The following MCC variants were observed in gnomAD, a reference collection of about 807,000 sequenced individuals.
MCC encodes the protein MCC regulator of Wnt signaling pathway.
Under a neutral mutation model 116.2 loss-of-function variants are expected in MCC, and 90 were observed. The observed-to-expected ratio is 0.77, with a 90% CI of 0.65 to 0.92. MCC has a LOEUF of 0.92. Among genes scored for constraint, MCC ranks in the 40% least tolerant of loss-of-function variants. MCC has a pLI of 0.00. For missense variants in MCC, 1,516 were observed against 1,312.2 expected (o/e 1.16, Z -2.40); for synonymous variants, 578 against 510.5 (o/e 1.13, Z -1.78).
chr5:113,148,222 T>G (rs537528062), intron 4 of MCC, among the ~76,000 whole-genome samples: 1 of 152,364 alleles, frequency 6.6e-6, no homozygotes, highest in Non-Finnish European at 1.5e-5. Flanking sequence ...CGTATTCAAT[T>G]TGGGAAGATA....
At chr5:113,298,846 G>A (rs547029322) in intron 3 of MCC, among the ~76,000 whole-genome samples, 1 of 152,312 alleles carries the variant, frequency 6.6e-6, no homozygotes, top group African/African-American at 2.4e-5. Context: ...GGGAAACGAA[G>A]ACTAATGATA....
intron 5 of MCC, among the ~76,000 whole-genome samples, chr5:113,138,239 G>A (rs774118874): frequency 1.3e-5 from 2 of 152,114 alleles, no homozygotes; most frequent in East Asian, 3.9e-4. Context: ...TCAAACTCCT[G>A]TCCTCAAGTG....
At chr5:113,081,912 C>A (rs181377209) in intron 11 of MCC, among the ~76,000 whole-genome samples, 3 of 152,182 alleles carry the variant, frequency 2.0e-5, no homozygotes, top group African/African-American at 7.2e-5. Context: ...GGAACGGTAT[C>A]CCTATTTCTT....
intron 2 of MCC, among the ~76,000 whole-genome samples, chr5:113,353,379 A>T (rs993977145): frequency 1.3e-5 from 2 of 152,154 alleles, no homozygotes; most frequent in Non-Finnish European, 2.9e-5. Flanking sequence ...CAGTCATGAG[A>T]AGGTAATGAG....
chr5:113,287,294 T>C (rs1200150119), intron 3 of MCC, among the ~76,000 whole-genome samples: 1 of 152,216 alleles, frequency 6.6e-6, no homozygotes, highest in African/African-American at 2.4e-5. Flanking sequence ...TGTAATTTGA[T>C]TCCCTGGATC....
chr5:113,384,186 C>G (rs1769191617), intron 2 of MCC, among the ~76,000 whole-genome samples: 1 of 152,166 alleles, frequency 6.6e-6, no homozygotes, highest in Non-Finnish European at 1.5e-5. Context: ...TAATTATCAA[C>G]AGTATTAAGA....
intron 3 of MCC, among the ~76,000 whole-genome samples, chr5:113,160,602 T>C (rs1353876999): frequency 6.6e-6 from 1 of 152,164 alleles, no homozygotes; most frequent in African/African-American, 2.4e-5. Context: ...AACTACCAAG[T>C]CCCCTGCTTT....
intron 3 of MCC, among the ~76,000 whole-genome samples, chr5:113,189,156 G>A (rs914325532): frequency 5.9e-5 from 9 of 152,238 alleles, no homozygotes; most frequent in Admixed American, 5.2e-4. Flanking sequence ...AATCCAATGG[G>A]TGCACTGAGC....
chr5:113,024,972 G>A lies in MCC; in HGVS notation c.*2330C>T, dbSNP rs967982099. ...CTAAAACTAAGGTCAGGTAGCATGAGTAAAACTGGGGCCCTTAACAGGAGC... is the reference window on the plus strand; with the variant it reads ...CTAAAACTAAGGTCAGGTAGCATGAATAAAACTGGGGCCCTTAACAGGAGC... On this transcript the variant is annotated 3_prime_UTR_variant, in exon 19 of 19. Coordinates refer to ENST00000408903, the MANE Select transcript of MCC (RefSeq NM_001085377.2). 2 of 152,102 alleles carry A rather than the reference G, an allele frequency of 1.3e-5. No homozygotes were observed. Among genetic ancestry groups the A allele is most frequent in the African/African-American group, 2.4e-5 (1 of 41,416 alleles). The allele number at this position is 152,102 out of a possible 1,614,324, so 9.4% of individuals were successfully genotyped here.
chr5:113,231,702 G>A (rs192651664), intron 3 of MCC, among the ~76,000 whole-genome samples: 1 of 152,268 alleles, frequency 6.6e-6, no homozygotes, highest in African/African-American at 2.4e-5. Flanking sequence ...ATGTCTCTAA[G>A]ATAGTCGTGA....
intron 12 of MCC, among the ~76,000 whole-genome samples, chr5:113,069,829 G>A (rs1040166199): frequency 6.6e-6 from 1 of 152,036 alleles, no homozygotes; most frequent in Non-Finnish European, 1.5e-5. Flanking sequence ...CTCGTGATCC[G>A]CCCGCCTCGG....
intron 3 of MCC, among the ~76,000 whole-genome samples, chr5:113,309,319 T>C (rs1767079399): frequency 6.6e-6 from 1 of 152,140 alleles, no homozygotes; most frequent in South Asian, 2.1e-4. Flanking sequence ...AGCCAATAGG[T>C]AATTTTTTAC....
At chr5:113,416,804 A>G (rs1055855942) in intron 1 of MCC, among the ~76,000 whole-genome samples, 2 of 152,182 alleles carry the variant, frequency 1.3e-5, no homozygotes, top group Non-Finnish European at 2.9e-5. Flanking sequence ...GATAAAATTG[A>G]TATCTCATTT....
chr5:113,042,066 A>G (rs4235775), intron 17 of MCC, among the ~76,000 whole-genome samples: 141,443 of 152,184 alleles, frequency 0.93, 66,203 homozygotes, highest in East Asian at 1. Context: ...ACACACAAAC[A>G]AGAACCGCTG....
chr5:113,111,085 T>C (rs950441322), intron 6 of MCC, among the ~76,000 whole-genome samples: 1 of 152,222 alleles, frequency 6.6e-6, no homozygotes, highest in Non-Finnish European at 1.5e-5. Flanking sequence ...AGCTCAATAA[T>C]ACACAGCTCA....
At chr5:113,045,053 C>G (rs1561748217) in intron 16 of MCC, among the ~76,000 whole-genome samples, 1 of 152,204 alleles carries the variant, frequency 6.6e-6, no homozygotes, top group Non-Finnish European at 1.5e-5. Flanking sequence ...CCTACCTGCG[C>G]TCAGAGATCC....
At chr5:113,312,084 T>A (rs1262172630) in intron 3 of MCC, among the ~76,000 whole-genome samples, 3 of 151,936 alleles carry the variant, frequency 2.0e-5, no homozygotes, top group Non-Finnish European at 4.4e-5. Flanking sequence ...CCAGCCTGGC[T>A]GACAGAGCGA....
At chr5:113,081,034 A>G (rs1156699484) in intron 11 of MCC, among the ~76,000 whole-genome samples, 3 of 152,130 alleles carry the variant, frequency 2.0e-5, no homozygotes, top group African/African-American at 7.2e-5. Context: ...CTTAACACAG[A>G]TTTGCTAAAG....
At chr5:113,311,921 T>C (rs1242293759) in intron 3 of MCC, among the ~76,000 whole-genome samples, 2 of 151,978 alleles carry the variant, frequency 1.3e-5, no homozygotes, top group Middle Eastern at 3.2e-3. Context: ...GCCTGGCCAA[T>C]ATGGTGAAAC....
Sources: gnomAD v4.1 joint callset for allele counts (sites outside exome capture counted in the v4.1 genomes callset) on GRCh38, gnomAD v4.1.1 for gene constraint, MANE v1.5 for transcripts, NCBI Gene and HGNC (gene_info 2026-07-23, HGNC 2026-07-21) for gene names.